COL4A5: variants seen among roughly 807,000 people sequenced by gnomAD.
The protein encoded by COL4A5 is collagen alpha-5(IV) chain.
A neutral mutation model predicts 130.2 loss-of-function variants in COL4A5; 26 were observed. The ratio of observed to expected loss-of-function variants is 0.20; its 90% CI spans 0.15 to 0.28. COL4A5 has a LOEUF of 0.28. Among genes scored for constraint, COL4A5 ranks in the 10% least tolerant of loss-of-function variants. The pLI is 1.00. For missense variants in COL4A5, 1,131 were observed against 1,344.3 expected, an observed-to-expected ratio of 0.84 and a Z score of 2.48; for synonymous variants, 496 against 439.6, an observed-to-expected ratio of 1.13 and a Z score of -1.60.
intron 1 of COL4A5, among the ~76,000 whole-genome samples, chrX:108,515,976 A>G (rs1349746090): frequency 8.9e-6 from 1 of 111,998 alleles, no homozygotes; most frequent in African/African-American, 3.2e-5. Flanking sequence ...GTTGGAAAAT[A>G]CCATGGGAAC....
intron 19 of COL4A5, 45 bp downstream of exon 19, chrX:108,586,792 C>T: frequency 8.6e-7 from 1 of 1,169,385 alleles, no homozygotes; most frequent in Non-Finnish European, 1.2e-6. Context: ...AGCATCCTTA[C>T]TAATCCATGT....
chrX:108,473,633 A>ATATTTTTTTT lies in COL4A5; in HGVS notation c.81+33428_81+33429insATTTTTTTTT. ...TATATGTATATATATATATATATAT[A>ATATTTTTTTT]TTTTTTTTTTTTTGAGATGAAGTCT... On this transcript the variant is annotated intron_variant, in intron 1 of 52. Transcript: ENST00000328300. 1.2e-3 allele frequency among the ~76,000 whole-genome samples: 40 copies of ATATTTTTTTT among 34,558 alleles called. 2 individuals carry two copies. The highest frequency in any genetic ancestry group is 3.4e-3 in the East Asian group (7 of 2,058). 30.0% of individuals were successfully genotyped at this position (34,558 alleles called of 115,157 possible). A position where few individuals can be genotyped will look rare whatever the true frequency, so the allele number is the denominator to read the frequency against.
intron 4 of COL4A5, among the ~76,000 whole-genome samples, chrX:108,567,741 G>A (rs751418871): frequency 3.6e-5 from 4 of 111,513 alleles, no homozygotes; most frequent in Admixed American, 1.9e-4. Flanking sequence ...AGAGCCAAGC[G>A]AAAGGGGAAA....
intron 41 of COL4A5, 32 bp from the exon 42 acceptor site, chrX:108,670,196 T>C (rs1358253599): frequency 8.3e-7 from 1 of 1,206,499 alleles, no homozygotes; most frequent in East Asian, 3.0e-5. Flanking sequence ...AATGATGACA[T>C]TGGGCCTTGG....
intron 36 of COL4A5, among the ~76,000 whole-genome samples, chrX:108,630,455 T>C (rs1213832077): frequency 1.8e-5 from 2 of 112,472 alleles, no homozygotes; most frequent in East Asian, 5.6e-4. Flanking sequence ...ATAAATGTCT[T>C]TTGAGAAGTG....
intron 2 of COL4A5, among the ~76,000 whole-genome samples, chrX:108,548,732 A>G (rs1470761650): frequency 8.9e-6 from 1 of 111,795 alleles, no homozygotes; most frequent in Non-Finnish European, 1.9e-5. Context: ...GAAAAAAGCT[A>G]GAGAAAAATT....
chrX:108,505,798 A>G (rs1267100464), intron 1 of COL4A5, among the ~76,000 whole-genome samples: 1 of 112,374 alleles, frequency 8.9e-6, no homozygotes, highest in Non-Finnish European at 1.9e-5. Flanking sequence ...GAGTTGACTA[A>G]TACAGTTGGA....
intron 36 of COL4A5, among the ~76,000 whole-genome samples, chrX:108,654,300 A>G (rs191361548): frequency 1.8e-4 from 20 of 111,869 alleles, no homozygotes; most frequent in Non-Finnish European, 1.5e-4. Context: ...TATGTGAATT[A>G]TCTCTTACCC....
intron 1 of COL4A5, among the ~76,000 whole-genome samples, chrX:108,492,599 T>C (rs1340099226): frequency 3.6e-5 from 4 of 111,843 alleles, no homozygotes; most frequent in African/African-American, 9.7e-5. Flanking sequence ...GTCATTAATC[T>C]GCTATTTAGC....
At chrX:108,508,463 C>T (rs2065146842) in intron 1 of COL4A5, among the ~76,000 whole-genome samples, 1 of 104,350 alleles carries the variant, frequency 9.6e-6, no homozygotes, top group African/African-American at 3.6e-5. Flanking sequence ...CCACACTGCC[C>T]AATGCAATTT....
chrX:108,674,042 A>C (rs1008422342), intron 42 of COL4A5, among the ~76,000 whole-genome samples: 6 of 108,225 alleles, frequency 5.5e-5, no homozygotes, highest in African/African-American at 2.0e-4. Flanking sequence ...ACTCTGTCCA[A>C]ATAATAATAA....
At chrX:108,564,126 T>A (rs1250080456) in intron 4 of COL4A5, among the ~76,000 whole-genome samples, 200 bp downstream of exon 4, 3 of 111,689 alleles carry the variant, frequency 2.7e-5, no homozygotes, top group Non-Finnish European at 1.9e-5. Flanking sequence ...ACATATATTT[T>A]TATATATATG....
At position 108,439,838 on chromosome X, in the gene COL4A5, AG is replaced by A; in HGVS notation, c.-287del. 2.9e-6 allele frequency: 1 copy of A among 345,868 alleles called. No homozygotes were observed. The allele number at this position is 345,868 out of a possible 1,213,427, so 28.5% of individuals were successfully genotyped here. ...GCACGGGGAAGAGAGGGAGGAAAGT[AG>A]ATCTGTAGGAATTGAGTGAAGAAAA... is the stretch of plus-strand genomic sequence containing the variant. On this transcript the variant is annotated 5_prime_UTR_variant, in exon 1 of 53. Coordinates refer to ENST00000328300, the MANE Select transcript of COL4A5 (RefSeq NM_033380.3).
At chrX:108,586,803 A>G in intron 19 of COL4A5, 56 bp downstream of exon 19, 2 of 1,141,207 alleles carry the variant, frequency 1.8e-6, no homozygotes, top group South Asian at 1.8e-5. Flanking sequence ...TAATCCATGT[A>G]TACTTTTTAT....
intron 2 of COL4A5, 152 bp from the exon 3 acceptor site, chrX:108,558,912 A>G: frequency 2.0e-6 from 1 of 506,029 alleles, no homozygotes; most frequent in Non-Finnish European, 3.5e-6. Flanking sequence ...CCACATCTTA[A>G]CAGGTTTTCC....
intron 23 of COL4A5, 45 bp downstream of exon 23, chrX:108,597,113 G>C: frequency 8.7e-6 from 9 of 1,030,768 alleles, no homozygotes; most frequent in Non-Finnish European, 1.1e-5. Context: ...TAGAAGGAAG[G>C]CATTTTACAC....
At position 108,565,412 on chromosome X, in the gene COL4A5, T is replaced by C. The variant is rs925740336; in HGVS notation, c.276+1486T>C. 3.6e-5 allele frequency among the ~76,000 whole-genome samples: 4 copies of C among 112,304 alleles called. No homozygotes were observed. In the South Asian group the frequency reaches 1.5e-3, roughly 41 times the overall value. ...AACATATACCTTACCACTTTATTTT[T>C]TGAAGTATTTTAAAGTAAATCCCTC... On this transcript the variant is annotated intron_variant, in intron 4 of 52. Coordinates refer to ENST00000328300, the MANE Select transcript of COL4A5 (RefSeq NM_033380.3).
intron 1 of COL4A5, among the ~76,000 whole-genome samples, chrX:108,499,397 T>C (rs2065060660): frequency 9.0e-6 from 1 of 111,626 alleles, no homozygotes; most frequent in Non-Finnish European, 1.9e-5. Flanking sequence ...TTTTTGGATC[T>C]GTGTTCTTGA....
At position 108,597,468 on chromosome X, in the gene COL4A5, A is replaced by G; in HGVS notation, c.1679A>G (p.Lys560Arg). 4.1e-6 allele frequency: 5 copies of G among 1,210,464 alleles called. No homozygotes were observed. The highest frequency in any genetic ancestry group is 5.6e-6 in the Non-Finnish European group (5 of 894,815). The part of the protein sequence containing the change: ...ILTFPGMKGD[K>R]GELGSPGAPG... ...ACTTTTCCAGGAATGAAGGGTGACA[A>G]AGGAGAGTTGGGTTCCCCTGGAGCT... Residue 560 changes from lysine to arginine, a missense_variant, in exon 24 of 53, where the codon AAA becomes AGA. Physicochemically the swap from Lys to Arg is conservative, Grantham distance 26 (BLOSUM62 2). Coordinates refer to ENST00000328300, the MANE Select transcript of COL4A5 (RefSeq NM_033380.3).
Sources: allele counts gnomAD v4.1 joint callset (sites outside exome capture counted in the v4.1 genomes callset), GRCh38; gene constraint gnomAD v4.1.1; transcripts MANE v1.5; gene names NCBI Gene and HGNC (gene_info 2026-07-23, HGNC 2026-07-21).